TSHZ3: variants seen among roughly 807,000 people sequenced by gnomAD.
The protein encoded by TSHZ3 is teashirt homolog 3.
TSHZ3 carries 10 observed loss-of-function variants against 64.5 expected under a neutral mutation model. The ratio of observed to expected loss-of-function variants is 0.16; its 90% CI spans 0.10 to 0.26. The LOEUF (loss-of-function observed/expected upper bound fraction) is 0.26, where lower values mean the gene tolerates loss of function less well. Among genes scored for constraint, TSHZ3 ranks in the 10% least tolerant of loss-of-function variants. The pLI, the probability that TSHZ3 is intolerant of heterozygous loss-of-function variation, is 1.00. For synonymous variants in TSHZ3, 608 were observed against 593.1 expected, an observed-to-expected ratio of 1.03 and a Z score of -0.36; for missense variants, 1,242 against 1,421.7, an observed-to-expected ratio of 0.87 and a Z score of 2.03.
intron 1 of TSHZ3, among the ~76,000 whole-genome samples, chr19:31,331,360 T>A (rs909971282): frequency 6.6e-6 from 1 of 151,548 alleles, no homozygotes; most frequent in African/African-American, 2.4e-5. Context: ...TTATTTATCA[T>A]TTTTTTTGTC....
intron 5 of TSHZ3, among the ~76,000 whole-genome samples, chr19:31,184,388 G>T (rs1463112289): frequency 6.6e-6 from 1 of 152,140 alleles, no homozygotes; most frequent in Non-Finnish European, 1.5e-5. Flanking sequence ...GTTCGTCCTT[G>T]TATTAAATGT....
chr19:31,277,901 G>C lies in TSHZ3; in HGVS notation c.1892C>G (p.Pro631Arg). The change falls in exon 2 of 2, where the codon CCG becomes CGG. Residue 631 changes from proline to arginine, a missense_variant. By Grantham distance (103) the Pro-to-Arg change is moderately radical. Coordinates refer to ENST00000240587, the MANE Select transcript of TSHZ3 (RefSeq NM_020856.4). The surrounding 1 kb of genome is among the most constrained non-coding windows in gnomAD (Gnocchi z 4.5). The part of the protein sequence containing the change: ...VAKVEEKMKE[P>R]DGKLSPPKRA... ...CTTGGGCGGGGAAAGCTTCCCATCC[G>C]GCTCCTTCATCTTCTCCTCCACTTT... 1.9e-6 allele frequency: 3 copies of C among 1,613,704 alleles called. No homozygotes were observed. The highest frequency in any genetic ancestry group is 2.5e-6 in the Non-Finnish European group (3 of 1,179,836).
intron 5 of TSHZ3, among the ~76,000 whole-genome samples, chr19:31,204,396 G>A (rs564787906): frequency 1.4e-5 from 2 of 139,448 alleles, no homozygotes; most frequent in African/African-American, 5.4e-5. Flanking sequence ...TCCTTCCTTG[G>A]TACCTCCATT....
chr19:31,340,338 CAAAAAA>C (rs1160334453), intron 1 of TSHZ3, among the ~76,000 whole-genome samples: 1,523 of 32,632 alleles, frequency 0.047, 15 homozygotes, highest in African/African-American at 0.14. Context: ...GCCTACAGTA[CAAAAAA>C]AAAAAAAAAA....
chr19:31,213,050 A>C (rs1169718579), intron 4 of TSHZ3, among the ~76,000 whole-genome samples: 1 of 152,042 alleles, frequency 6.6e-6, no homozygotes, highest in Non-Finnish European at 1.5e-5. Flanking sequence ...GGAAAAGGCA[A>C]ACTATGGAGA....
intron 5 of TSHZ3, among the ~76,000 whole-genome samples, chr19:31,185,046 G>C (rs1974781664): frequency 6.6e-6 from 1 of 151,746 alleles, no homozygotes; most frequent in South Asian, 2.1e-4. Context: ...ACCTTTCTCA[G>C]CCTCTAGAGT....
chr19:31,302,517 T>G (rs1215387388), intron 1 of TSHZ3, among the ~76,000 whole-genome samples: 1 of 152,226 alleles, frequency 6.6e-6, no homozygotes, highest in Admixed American at 6.5e-5. Context: ...AATGCATTTC[T>G]TTTAAGAAAT....
chr19:31,269,469 T>C (rs1976104154), intron 1 of TSHZ3, among the ~76,000 whole-genome samples: 1 of 151,960 alleles, frequency 6.6e-6, no homozygotes. Context: ...CCCAGCTGTC[T>C]CTTGGCTCAA....
Position 31,216,430 on chromosome 19 carries a change from C to T in TSHZ3, n.687-11352G>A, listed in dbSNP as rs186156511. 1.9e-3 allele frequency among the ~76,000 whole-genome samples: 285 copies of T among 150,518 alleles called. 1 individual carries two copies. The highest frequency in any genetic ancestry group is 6.6e-3 in the African/African-American group (273 of 41,084). On this transcript the variant is annotated intron_variant and non_coding_transcript_variant, in intron 4 of 6. Transcript: ENST00000651361. ...AGGGATGAGAGTCACCTGAGATCAT[C>T]AGAAAGGCTTTCCCAGGAGGCAGCT...
intron 3 of TSHZ3, among the ~76,000 whole-genome samples, chr19:31,241,676 A>G (rs1462370935): frequency 6.6e-6 from 1 of 152,188 alleles, no homozygotes; most frequent in East Asian, 1.9e-4. Context: ...CATTCTCCTC[A>G]GCTCAGCATG....
chr19:31,203,173 T>A (rs1413940106), intron 5 of TSHZ3, among the ~76,000 whole-genome samples: 2 of 152,064 alleles, frequency 1.3e-5, no homozygotes, highest in African/African-American at 4.8e-5. Flanking sequence ...AAGTGAGAAT[T>A]GAGCTATGCA....
chr19:31,279,028 G>C lies in TSHZ3; in HGVS notation c.765C>G (p.Ser255=). ...CCAGCAAGGAGCGTTTGCGAGGCTTGGACCAGCGCTTGGGGTTGTTGTTAT... is the reference window on the plus strand; with the variant it reads ...CCAGCAAGGAGCGTTTGCGAGGCTTCGACCAGCGCTTGGGGTTGTTGTTAT... ...ETDNNNPKRW[S]KPRKRSLLEM... is the part of the protein sequence containing the mutation. The change falls in exon 2 of 2, where the codon TCC becomes TCG. Residue 255 remains serine, a synonymous_variant. Coordinates refer to ENST00000240587, the MANE Select transcript of TSHZ3 (RefSeq NM_020856.4). The surrounding 1 kb of genome is among the most constrained non-coding windows in gnomAD (Gnocchi z 6.4). The C allele has an allele frequency of 6.2e-7, 1 of 1,613,990 alleles. No individual in the cohort carries two copies. The highest frequency in any genetic ancestry group is 8.5e-7 in the Non-Finnish European group (1 of 1,179,882).
chr19:31,278,983 G>C lies in TSHZ3; in HGVS notation c.810C>G (p.Asp270Glu). ...ACATGCACTTCAGCACCTTCTGGGC[G>C]TCTTCCTTCCCTTCCATTTCCAGCA... is the stretch of plus-strand genomic sequence containing the variant. Reference protein sequence around the residue: ...RSLLEMEGKEDAQKVLKCMYC... With the variant: ...RSLLEMEGKEEAQKVLKCMYC... Residue 270 changes from aspartate to glutamate, a missense_variant, in exon 2 of 2, where the codon GAC (aspartate) becomes GAG (glutamate). Transcript: ENST00000240587. The surrounding 1 kb of genome is among the most constrained non-coding windows in gnomAD (Gnocchi z 4.7). 6.2e-7 allele frequency: 1 copy of C among 1,614,052 alleles called. No homozygotes were observed. Among genetic ancestry groups the C allele is most frequent in the South Asian group, 1.1e-5 (1 of 91,068 alleles).
At chr19:31,162,537 T>C (rs915391415) in intron 5 of TSHZ3, among the ~76,000 whole-genome samples, 2 of 152,140 alleles carry the variant, frequency 1.3e-5, no homozygotes, top group Non-Finnish European at 2.9e-5. Flanking sequence ...CATGGAGAGC[T>C]GGAGTCTTGC....
chr19:31,246,964 A>T (rs1048561648), intron 1 of TSHZ3, among the ~76,000 whole-genome samples: 1 of 152,210 alleles, frequency 6.6e-6, no homozygotes, highest in African/African-American at 2.4e-5. Context: ...GCACAAAAAT[A>T]AATAATGATT....
At chr19:31,342,229 G>A (rs897505753) in intron 1 of TSHZ3, among the ~76,000 whole-genome samples, 2 of 152,164 alleles carry the variant, frequency 1.3e-5, no homozygotes, top group African/African-American at 4.8e-5. Context: ...CATCTTGATT[G>A]TGGTAACTAT....
At position 31,349,224 on chromosome 19, in the gene TSHZ3, C is replaced by T. The variant is rs1448014011; in HGVS notation, c.-5G>A. The T allele has an allele frequency of 1.3e-6, 2 of 1,537,260 alleles. No homozygotes were observed. ...CTGCTGCTTCCTCCTCGGCATGATG[C>T]TTCTCCGGCGACTGCCACTGCCGCC... On this transcript the variant is annotated 5_prime_UTR_variant, in exon 1 of 2. Coordinates refer to ENST00000240587, the MANE Select transcript of TSHZ3 (RefSeq NM_020856.4).
rs369997316 is a variant in TSHZ3, at chr19:31,277,766, T to C, written c.2027A>G (p.Asp676Gly). 64 of 1,529,386 alleles carry C rather than the reference T, an allele frequency of 4.2e-5. No individual in the cohort carries two copies. The highest frequency in any genetic ancestry group is 5.4e-5 in the Non-Finnish European group (62 of 1,141,716). 94.7% of individuals were successfully genotyped at this position (1,529,386 alleles called of 1,614,324 possible). ...SQENSPSPPR[D>G]GCKDGSPLAE... ...GAGGGGGCTCCCATCCTTGCACCCATCCCGCGGGGGGCTGGGGCTGTTCTC... is the reference window on the plus strand; with the variant it reads ...GAGGGGGCTCCCATCCTTGCACCCACCCCGCGGGGGGCTGGGGCTGTTCTC... The change falls in exon 2 of 2, where the codon GAT becomes GGT. Residue 676 changes from aspartate to glycine, a missense_variant. Physicochemically the swap from Asp to Gly is moderately conservative, Grantham distance 94. Coordinates refer to ENST00000240587, the MANE Select transcript of TSHZ3 (RefSeq NM_020856.4). The surrounding 1 kb of genome is among the most constrained non-coding windows in gnomAD (Gnocchi z 4.5).
At chr19:31,284,227 G>C (rs1216156025) in intron 1 of TSHZ3, among the ~76,000 whole-genome samples, 1 of 151,998 alleles carries the variant, frequency 6.6e-6, no homozygotes, top group Non-Finnish European at 1.5e-5. Context: ...ATGTCCAGGA[G>C]CAAGGAGTTG....
Sources: allele counts gnomAD v4.1 joint callset (sites outside exome capture counted in the v4.1 genomes callset), GRCh38; gene constraint gnomAD v4.1.1; non-coding constraint Gnocchi (gnomAD v3.1); transcripts MANE v1.5; gene names NCBI Gene and HGNC (gene_info 2026-07-23, HGNC 2026-07-21).